The following MFSD12 variants were observed in gnomAD, a reference collection of about 807,000 sequenced individuals.
MFSD12 encodes the protein major facilitator superfamily domain containing 12.
A neutral mutation model predicts 51.2 loss-of-function variants in MFSD12; 67 were observed. The observed-to-expected ratio is 1.31, with a 90% CI of 1.08 to 1.60. The LOEUF is 1.60. Ranked by LOEUF, MFSD12 falls within the 40% of genes most tolerant of loss-of-function variation. The probability of loss-of-function intolerance (pLI) is 0.00; values close to 1 mark genes in which losing one functional copy is unlikely to be tolerated. For missense variants in MFSD12, 921 were observed against 673.0 expected (o/e 1.37, Z -4.08); for synonymous variants, 441 against 316.7 (o/e 1.39, Z -4.17).
chr19:3,544,471 A>C lies in MFSD12; in HGVS notation c.*239T>G. Reference sequence around the variant, plus strand: ...GAGAGGGGCACCCCAAATCCTCCAGAGGGCTGGGATGGATTAGAGTTGAGA... The same window carrying C: ...GAGAGGGGCACCCCAAATCCTCCAGCGGGCTGGGATGGATTAGAGTTGAGA... On this transcript the variant is annotated 3_prime_UTR_variant, in exon 10 of 10. Transcript: ENST00000355415. The C allele has an allele frequency of 7.4e-7, 1 of 1,355,322 alleles. No individual in the cohort carries two copies. Among genetic ancestry groups the C allele is most frequent in the East Asian group, 2.7e-5 (1 of 37,016 alleles). 84.0% of individuals were successfully genotyped at this position (1,355,322 alleles called of 1,614,324 possible).
chr19:3,549,586 G>A (rs1764295871), intron 2 of MFSD12, among the ~76,000 whole-genome samples: 1 of 151,866 alleles, frequency 6.6e-6, no homozygotes, highest in African/African-American at 2.4e-5. Flanking sequence ...AGCCGGGGGT[G>A]GTGGCGGGTG....
At position 3,550,864 on chromosome 19, in the gene MFSD12, C is replaced by T. The variant is rs1254616451; in HGVS notation, c.509+120G>A. 2.3e-5 allele frequency: 19 copies of T among 813,068 alleles called. No individual in the cohort carries two copies. In the East Asian group the frequency reaches 5.1e-4, roughly 22 times the overall value. The allele number at this position is 813,068 out of a possible 1,614,324, so 50.4% of individuals were successfully genotyped here. ...TGAGACCCCCTTTCAAAAAAATAAA[C>T]ATGAAAGACTGCCTGGTCTCGAGCT... On this transcript the variant is annotated intron_variant, in intron 2 of 9. Transcript: ENST00000355415.
downstream of MFSD12, chr19:3,543,158 C>A: frequency 6.6e-7 from 1 of 1,516,146 alleles, no homozygotes; most frequent in Non-Finnish European, 8.8e-7. Context: ...ACATCATCCA[C>A]CCTGGCAGAC....
chr19:3,538,801 T>TTCC (rs1162466822), intron 4 of MFSD12: 1 of 543,970 alleles, frequency 1.8e-6, no homozygotes, highest in East Asian at 5.0e-5. Flanking sequence ...GGGTGAGGAG[T>TTCC]GAGGAGCTGG....
At position 3,557,349 on chromosome 19, in the gene MFSD12, G is replaced by C; in HGVS notation, c.55C>G (p.Leu19Val). ...GAAPSPRPLSLVARLSYAVGH... is the reference protein window; with the variant it reads ...GAAPSPRPLSVVARLSYAVGH... ...ACGGCGTAGCTCAGCCGCGCCACCAGGGACAGCGGCCGCGGGGACGGCGCC... is the reference window on the plus strand; with the variant it reads ...ACGGCGTAGCTCAGCCGCGCCACCACGGACAGCGGCCGCGGGGACGGCGCC... Residue 19 changes from leucine (L) to valine (V), a missense_variant, in exon 1 of 10, where the codon CTG (leucine) becomes GTG (valine). Coordinates refer to ENST00000355415, the MANE Select transcript of MFSD12 (RefSeq NM_174983.5). 1 of 1,532,114 alleles carries C rather than the reference G, an allele frequency of 6.5e-7. No individual in the cohort carries two copies. The highest frequency in any genetic ancestry group is 8.8e-7 in the Non-Finnish European group (1 of 1,141,996). 94.9% of individuals were successfully genotyped at this position (1,532,114 alleles called of 1,614,324 possible). A position where few individuals can be genotyped will look rare whatever the true frequency, so the allele number is the denominator to read the frequency against.
Position 3,551,866 on chromosome 19 carries a change from G to A in MFSD12, c.299-672C>T, listed in dbSNP as rs549757912. The stretch of plus-strand genomic sequence containing the variant: ...CTTCTCTCTCTGCTCCAGCCATGCA[G>A]GTCTCCTCACTGCAGGACCTCTTCA... On this transcript the variant is annotated intron_variant, in intron 1 of 9. Coordinates refer to ENST00000355415, the MANE Select transcript of MFSD12 (RefSeq NM_174983.5). The surrounding 1 kb of genome is among the most constrained non-coding windows in gnomAD (Gnocchi z 4.6). 3.3e-5 allele frequency among the ~76,000 whole-genome samples: 5 copies of A among 152,238 alleles called. No homozygotes were observed. In the South Asian group the frequency reaches 1.0e-3, roughly 32 times the overall value.
At chr19:3,549,876 CAA>C (rs970091064) in intron 2 of MFSD12, among the ~76,000 whole-genome samples, 2 of 147,268 alleles carry the variant, frequency 1.4e-5, no homozygotes, top group African/African-American at 2.5e-5. Context: ...ACTAAAAATA[CAA>C]AAAAAAAATT....
At chr19:3,541,672 C>T, downstream of MFSD12, 7 of 985,284 alleles carry the variant, frequency 7.1e-6, no homozygotes, top group Non-Finnish European at 8.4e-6. Flanking sequence ...GAATGGGCTC[C>T]CGCAAGTGTG....
chr19:3,545,089 A>C, intron 8 of MFSD12, 150 bp from the exon 9 acceptor site: 2 of 1,058,238 alleles, frequency 1.9e-6, no homozygotes, highest in South Asian at 3.3e-5. Flanking sequence ...CTCCTGTCCC[A>C]CACCCAACAG....
chr19:3,541,870 G>A (rs1407118492), downstream of MFSD12: 21 of 869,508 alleles, frequency 2.4e-5, no homozygotes, highest in African/African-American at 3.7e-5. Context: ...GTGCAGTGAC[G>A]CAATCTCGGC....
At chr19:3,548,613 A>G (rs2031268688) in intron 2 of MFSD12, among the ~76,000 whole-genome samples, 1 of 152,174 alleles carries the variant, frequency 6.6e-6, no homozygotes, top group African/African-American at 2.4e-5. Context: ...CTGGGCGGCT[A>G]AAGGGCGAGG....
At chr19:3,548,053 CAGT>C in intron 3 of MFSD12, 23 bp from the exon 4 acceptor site, 1 of 1,600,068 alleles carries the variant, frequency 6.2e-7, no homozygotes, top group Non-Finnish European at 8.5e-7. Flanking sequence ...CAGAAGCAGT[CAGT>C]GGTGGCGGGC....
At chr19:3,552,236 C>T (rs1377027763) in intron 1 of MFSD12, among the ~76,000 whole-genome samples, 11 of 151,202 alleles carry the variant, frequency 7.3e-5, no homozygotes, top group African/African-American at 1.9e-4. Context: ...GGCGAGATCT[C>T]GGCTCGCTGC....
At chr19:3,542,515 C>T (rs2030500495), downstream of MFSD12, 1 of 960,664 alleles carries the variant, frequency 1.0e-6, no homozygotes, top group African/African-American at 1.8e-5. Flanking sequence ...ACTCTGTTGC[C>T]CAGGCTGGAG....
At chr19:3,543,977 G>A, downstream of MFSD12, 1 of 1,548,692 alleles carries the variant, frequency 6.5e-7, no homozygotes, top group Non-Finnish European at 8.7e-7. Flanking sequence ...CCTGCCAGCG[G>A]TCCCCGCCTT....
Position 3,547,918 on chromosome 19 carries a change from A to AG in MFSD12, c.766dup (p.Leu256ProfsTer158), listed in dbSNP as rs764482912. On this transcript the variant is annotated frameshift_variant, in exon 4 of 10. Transcript: ENST00000355415. LOFTEE classifies it high-confidence loss of function. ...GGGCTGGGCCGTGGCAGGGGCCAAC[A>AG]GGGGGGTGTGCTCGCCTGGCTCCTC... is the stretch of plus-strand genomic sequence containing the variant. 9 of 1,577,604 alleles carry AG rather than the reference A, an allele frequency of 5.7e-6. No individual in the cohort carries two copies. The highest frequency in any genetic ancestry group is 4.6e-5 in the South Asian group (4 of 87,410).
chr19:3,547,276 C>G lies in MFSD12; in HGVS notation c.1019G>C (p.Arg340Thr). Residue 340 changes from arginine (R) to threonine (T), a missense_variant, in exon 6 of 10, where the codon AGG becomes ACG. Arg to Thr is a moderately conservative substitution (Grantham distance 71). Coordinates refer to ENST00000355415, the MANE Select transcript of MFSD12 (RefSeq NM_174983.5). ...CCCCGGTCCCCGCCCACTCACGTTC[C>G]TCCCAATGCACTTGTTGATGGGCTT... is the stretch of plus-strand genomic sequence containing the variant. ...LMKPINKCIG[R>T]NMTYFSGLLV... The G allele has an allele frequency of 6.2e-7, 1 of 1,612,708 alleles. No homozygotes were observed. The highest frequency in any genetic ancestry group is 8.5e-7 in the Non-Finnish European group (1 of 1,179,484).
In MFSD12 at chr19:3,544,873, G is replaced by A. The variant is rs147887404; in HGVS notation, c.1356C>T (p.Gly452=). ...YHWAMVAVTG[G]VGVAAALCLC... ...GACACAGGGCAGCGGCCACGCCCAC[G>A]CCGCCCGTCACAGCCACCATCGCCC... The change falls in exon 9 of 10, where the codon GGC becomes GGT. Residue 452 remains glycine, a synonymous_variant. Transcript: ENST00000355415. 8.1e-4 allele frequency: 1,300 copies of A among 1,611,220 alleles called. 9 individuals are homozygous for A. In the African/African-American group the frequency reaches 0.014, roughly 18 times the overall value.
intron 2 of MFSD12, among the ~76,000 whole-genome samples, chr19:3,549,274 C>T (rs1014463333): frequency 6.6e-6 from 1 of 152,192 alleles, no homozygotes; most frequent in Non-Finnish European, 1.5e-5. Flanking sequence ...AGAGGCCTGC[C>T]CATCCCATCC....
Sources: gnomAD v4.1 joint callset for allele counts (sites outside exome capture counted in the v4.1 genomes callset) on GRCh38, gnomAD v4.1.1 for gene constraint, Gnocchi (gnomAD v3.1) non-coding constraint, MANE v1.5 for transcripts, NCBI Gene and HGNC (gene_info 2026-07-23, HGNC 2026-07-21) for gene names.